CDH8: variants seen among roughly 807,000 people sequenced by gnomAD.
CDH8 encodes the protein cadherin-8.
In CDH8, 17 loss-of-function variants were observed where a neutral mutation model predicts 68.1. That is an observed-to-expected ratio of 0.25 (90% CI 0.17 to 0.37). The LOEUF is 0.37. CDH8 is among the 10% of genes least tolerant of loss of function. The pLI, the probability that CDH8 is intolerant of heterozygous loss-of-function variation, is 1.00. For synonymous variants in CDH8, 372 were observed against 365.1 expected (o/e 1.02, Z -0.21); for missense variants, 763 against 999.3 (o/e 0.76, Z 3.19).
intron 8 of CDH8, among the ~76,000 whole-genome samples, chr16:61,758,809 T>G (rs1596939599): frequency 1.3e-5 from 2 of 152,290 alleles, no homozygotes; most frequent in African/African-American, 4.8e-5. Flanking sequence ...GGCTATATGA[T>G]CTTTTGTTGT....
intron 2 of CDH8, among the ~76,000 whole-genome samples, chr16:61,998,704 G>A (rs534758385): frequency 2.0e-5 from 3 of 152,248 alleles, no homozygotes; most frequent in Admixed American, 2.0e-4. Flanking sequence ...CTCTGGGATG[G>A]GTAGTAGCAT....
At chr16:61,837,725 T>C (rs545859596) in intron 4 of CDH8, among the ~76,000 whole-genome samples, 18 of 152,178 alleles carry the variant, frequency 1.2e-4, no homozygotes, top group Non-Finnish European at 2.2e-4. Flanking sequence ...CAAATATGTG[T>C]GATCTGCAGG....
intron 8 of CDH8, among the ~76,000 whole-genome samples, chr16:61,763,273 A>G (rs1200380306): frequency 6.6e-6 from 1 of 152,140 alleles, no homozygotes; most frequent in Non-Finnish European, 1.5e-5. Flanking sequence ...TGAATTGCAT[A>G]CACACGTGCC....
intron 10 of CDH8, among the ~76,000 whole-genome samples, chr16:61,697,703 C>A (rs576892046): frequency 6.6e-6 from 1 of 152,188 alleles, no homozygotes; most frequent in South Asian, 2.1e-4. Flanking sequence ...TTGGACCAGG[C>A]AGGTCTTGAA....
intron 7 of CDH8, among the ~76,000 whole-genome samples, chr16:61,798,133 G>T (rs1222046260): frequency 6.6e-6 from 1 of 152,072 alleles, no homozygotes; most frequent in Non-Finnish European, 1.5e-5. Flanking sequence ...TTCCCCTGGA[G>T]CCAGGAAAAT....
chr16:61,832,409 GAGAC>G (rs1466607817), intron 4 of CDH8, among the ~76,000 whole-genome samples: 1 of 151,440 alleles, frequency 6.6e-6, no homozygotes, highest in Non-Finnish European at 1.5e-5. Flanking sequence ...GGGAAATAGA[GAGAC>G]AGATAAATAG....
Position 61,894,583 on chromosome 16 carries a change from TACA to T in CDH8, c.547+6593_547+6595del, listed in dbSNP as rs1310772831. On this transcript the variant is annotated intron_variant, in intron 3 of 11. Coordinates refer to ENST00000577390, the MANE Select transcript of CDH8 (RefSeq NM_001796.5). The stretch of plus-strand genomic sequence containing the variant: ...AAACAGTTCAGAAACAATACATTTG[TACA>T]ACATTTGCAATTTTTCTCTAAGATT... Among the ~76,000 whole-genome samples, 3 of 152,284 alleles carry T rather than the reference TACA, an allele frequency of 2.0e-5. No individual in the cohort carries two copies. In the East Asian group the frequency reaches 5.8e-4, roughly 29 times the overall value.
At chr16:61,780,535 A>T (rs1316310440) in intron 8 of CDH8, among the ~76,000 whole-genome samples, 2 of 152,262 alleles carry the variant, frequency 1.3e-5, no homozygotes, top group Admixed American at 6.5e-5. Context: ...CTGATGAGAT[A>T]GCATTCTGAG....
intron 8 of CDH8, among the ~76,000 whole-genome samples, chr16:61,782,199 T>A (rs1001214862): frequency 5.3e-5 from 8 of 151,914 alleles, no homozygotes; most frequent in Non-Finnish European, 2.9e-5. Flanking sequence ...CACTAGGGAG[T>A]GCCAGACAGT....
intron 8 of CDH8, among the ~76,000 whole-genome samples, chr16:61,739,883 C>CAATATATATA: frequency 1.5e-5 from 1 of 66,046 alleles, no homozygotes; most frequent in African/African-American, 5.8e-5. Flanking sequence ...ACAACATATT[C>CAATATATATA]CATATATATA....
At chr16:61,812,412 TC>T (rs1231237009) in intron 7 of CDH8, among the ~76,000 whole-genome samples, 1 of 152,196 alleles carries the variant, frequency 6.6e-6, no homozygotes. Flanking sequence ...TATGTTGACC[TC>T]CTACTCTGCC....
intron 3 of CDH8, among the ~76,000 whole-genome samples, chr16:61,864,816 C>T (rs2143020434): frequency 6.6e-6 from 1 of 152,274 alleles, no homozygotes; most frequent in East Asian, 1.9e-4. Context: ...GGAACTTCTG[C>T]TCTGAATTAC....
intron 4 of CDH8, among the ~76,000 whole-genome samples, chr16:61,848,753 C>A (rs1281937007): frequency 5.3e-5 from 8 of 152,082 alleles, no homozygotes; most frequent in Non-Finnish European, 1.0e-4. Context: ...TACATTTCGT[C>A]ACAATCATTA....
chr16:61,926,590 C>T (rs1048415709), intron 2 of CDH8, among the ~76,000 whole-genome samples: 1 of 152,138 alleles, frequency 6.6e-6, no homozygotes, highest in Non-Finnish European at 1.5e-5. Context: ...GGAGCATATG[C>T]CCACAAACAA....
chr16:61,942,070 C>G (rs1018050659), intron 2 of CDH8, among the ~76,000 whole-genome samples: 1 of 152,130 alleles, frequency 6.6e-6, no homozygotes, highest in African/African-American at 2.4e-5. Context: ...TTCCTGAAGT[C>G]CCAGTTTTAT....
intron 9 of CDH8, among the ~76,000 whole-genome samples, chr16:61,718,995 G>A (rs761340953): frequency 4.6e-5 from 7 of 151,186 alleles, no homozygotes; most frequent in Admixed American, 1.3e-4. Flanking sequence ...ACTGTAAAAT[G>A]TAGTACAAAC....
intron 3 of CDH8, among the ~76,000 whole-genome samples, chr16:61,897,936 C>A (rs1460308495): frequency 6.6e-6 from 1 of 151,986 alleles, no homozygotes; most frequent in Non-Finnish European, 1.5e-5. Context: ...GTGGTGATGG[C>A]AGAAAGATAA....
intron 10 of CDH8, among the ~76,000 whole-genome samples, chr16:61,658,308 T>C (rs1963491328): frequency 2.0e-5 from 3 of 152,070 alleles, no homozygotes; most frequent in Admixed American, 2.0e-4. Context: ...GTAACACTCA[T>C]GATGCCTTTT....
intron 4 of CDH8, among the ~76,000 whole-genome samples, chr16:61,833,977 G>A (rs1203708079): frequency 1.3e-5 from 2 of 151,840 alleles, no homozygotes; most frequent in Admixed American, 6.6e-5. Flanking sequence ...TAATGGGTAT[G>A]AAAGCCATGT....
Sources: allele counts gnomAD v4.1 joint callset (sites outside exome capture counted in the v4.1 genomes callset), GRCh38; gene constraint gnomAD v4.1.1; transcripts MANE v1.5; gene names NCBI Gene and HGNC (gene_info 2026-07-23, HGNC 2026-07-21).